Variants in TRIP4 observed in about 807,000 individuals in gnomAD.
TRIP4 encodes the protein activating signal cointegrator 1.
TRIP4 carries 54 observed loss-of-function variants against 81.8 expected under a neutral mutation model. That is an observed-to-expected ratio of 0.66 (90% CI 0.53 to 0.83). TRIP4 has a LOEUF of 0.83. TRIP4 is among the 40% of genes least tolerant of loss of function. The probability of loss-of-function intolerance (pLI) is 0.00; values close to 1 mark genes in which losing one functional copy is unlikely to be tolerated. For synonymous variants in TRIP4, 270 were observed against 242.8 expected (o/e 1.11, Z -1.04); for missense variants, 662 against 683.6 (o/e 0.97, Z 0.35).
At chr15:64,428,293 A>G (rs919912427) in intron 11 of TRIP4, among the ~76,000 whole-genome samples, 1 of 152,242 alleles carries the variant, frequency 6.6e-6, no homozygotes, top group South Asian at 2.1e-4. Flanking sequence ...ATCCTGATCT[A>G]TGGAATACTA....
intron 11 of TRIP4, among the ~76,000 whole-genome samples, chr15:64,432,333 G>C (rs928037817): frequency 1.3e-5 from 2 of 152,124 alleles, no homozygotes; most frequent in African/African-American, 2.4e-5. Context: ...AAATACTTGA[G>C]CCAGGCGCAG....
chr15:64,441,427 C>T (rs912712000), intron 11 of TRIP4, among the ~76,000 whole-genome samples: 2 of 151,974 alleles, frequency 1.3e-5, no homozygotes, highest in Admixed American at 6.6e-5. Context: ...TGAGTCGAGA[C>T]CAAGTAAAAG....
chr15:64,434,401 AG>A (rs1892343479), intron 11 of TRIP4, among the ~76,000 whole-genome samples: 3 of 70,466 alleles, frequency 4.3e-5, no homozygotes, highest in Admixed American at 1.7e-4. Context: ...CTCCGTCTCA[AG>A]AAAAAAAAAA....
At position 64,418,614 on chromosome 15, in the gene TRIP4, C is replaced by A; in HGVS notation, c.1244C>A (p.Ser415Ter). The A allele has an allele frequency of 6.2e-7, 1 of 1,613,792 alleles. No individual in the cohort carries two copies. Among genetic ancestry groups the A allele is most frequent in the Non-Finnish European group, 8.5e-7 (1 of 1,180,016 alleles). ...RSSGFGLEFNSFQHQLRIQDQ... is the reference protein window; with the variant it reads ...RSSGFGLEFN ...TCAGGATTTGGACTAGAGTTCAACT[C>A]ATTTCAGCACCAGTTGCGAATCCAG... The change falls in exon 9 of 13, where the codon TCA becomes TAA. Residue 415 changes from serine to a stop codon, truncating the protein, a stop_gained. Transcript: ENST00000261884. LOFTEE classifies it high-confidence loss of function.
chr15:64,397,506 A>G, intron 3 of TRIP4, 100 bp from the exon 4 acceptor site: 1 of 1,088,294 alleles, frequency 9.2e-7, no homozygotes, highest in Middle Eastern at 3.1e-4. Flanking sequence ...GTTCTTGGAT[A>G]GTATATAAGT....
chr15:64,438,302 C>T (rs2140309437), intron 11 of TRIP4, among the ~76,000 whole-genome samples: 1 of 152,294 alleles, frequency 6.6e-6, no homozygotes, highest in Middle Eastern at 3.4e-3. Flanking sequence ...GGTTGAAGAC[C>T]TTACCATGTA....
Position 64,395,406 on chromosome 15 carries a change from G to C in TRIP4, c.280G>C (p.Asp94His). 6.2e-7 allele frequency: 1 copy of C among 1,600,256 alleles called. No homozygotes were observed. The highest frequency in any genetic ancestry group is 8.5e-7 in the Non-Finnish European group (1 of 1,176,116). Residue 94 changes from aspartate to histidine, a missense_variant, in exon 3 of 13, where the codon GAT becomes CAT. Asp to His is a moderately conservative substitution (Grantham distance 81, BLOSUM62 -1). Transcript: ENST00000261884. Reference protein sequence around the residue: ...QQCFKKDEILDGQKSGDHLKR... With the variant: ...QQCFKKDEILHGQKSGDHLKR... ...TTTTTCTATCTTTAAAGAAATTTTAGATGGGCAGAAATCAGGCGACCATCT... is the reference window on the plus strand; with the variant it reads ...TTTTTCTATCTTTAAAGAAATTTTACATGGGCAGAAATCAGGCGACCATCT...
intron 9 of TRIP4, among the ~76,000 whole-genome samples, chr15:64,421,375 T>A (rs1421321739): frequency 2.0e-5 from 3 of 151,116 alleles, no homozygotes; most frequent in Admixed American, 6.6e-5. Flanking sequence ...CTCGCTCTGT[T>A]GCCCAGGCTG....
chr15:64,417,196 GAGA>G (rs1433368018), intron 8 of TRIP4, among the ~76,000 whole-genome samples: 2 of 152,066 alleles, frequency 1.3e-5, no homozygotes, highest in South Asian at 2.1e-4. Context: ...TTTTTTTGTA[GAGA>G]AGGAGTTTCG....
chr15:64,410,806 A>G (rs1891745310), intron 7 of TRIP4, among the ~76,000 whole-genome samples: 1 of 152,200 alleles, frequency 6.6e-6, no homozygotes, highest in Non-Finnish European at 1.5e-5. Context: ...AAGGAACAAT[A>G]TCCATACTAT....
intron 9 of TRIP4, among the ~76,000 whole-genome samples, chr15:64,423,337 C>T (rs1022329469): frequency 5.9e-5 from 9 of 151,842 alleles, no homozygotes; most frequent in East Asian, 1.9e-4. Flanking sequence ...GTGGCACGTG[C>T]GTGTAGTCCC....
chr15:64,445,696 T>C (rs1892619429), intron 12 of TRIP4, among the ~76,000 whole-genome samples: 1 of 147,216 alleles, frequency 6.8e-6, no homozygotes, highest in Non-Finnish European at 1.5e-5. Context: ...AAAAAATTTA[T>C]TGTGTTCTGT....
chr15:64,414,071 G>C lies in TRIP4; in HGVS notation c.1044-14G>C. 1 of 1,613,028 alleles carries C rather than the reference G, an allele frequency of 6.2e-7. No individual in the cohort carries two copies. Among genetic ancestry groups the C allele is most frequent in the South Asian group, 1.1e-5 (1 of 90,924 alleles). On this transcript the variant is annotated splice_polypyrimidine_tract_variant and intron_variant, in intron 7 of 12. Coordinates refer to ENST00000261884, the MANE Select transcript of TRIP4 (RefSeq NM_016213.5). ...CATTACCAATTGTTGCATCCTTTTG[G>C]TTTATTATCACAGACTAGATGAGAC...
chr15:64,453,161 C>T (rs1012774901), intron 12 of TRIP4, among the ~76,000 whole-genome samples: 4 of 152,052 alleles, frequency 2.6e-5, no homozygotes, highest in African/African-American at 7.2e-5. Flanking sequence ...CCAGCCTGGG[C>T]GACAGAGACT....
intron 12 of TRIP4, among the ~76,000 whole-genome samples, chr15:64,452,700 G>A (rs1892798942): frequency 6.6e-6 from 1 of 152,118 alleles, no homozygotes; most frequent in Non-Finnish European, 1.5e-5. Context: ...TCTTTTCACT[G>A]TATCAGATTG....
chr15:64,399,581 C>T (rs904145701), intron 4 of TRIP4, among the ~76,000 whole-genome samples: 4 of 151,822 alleles, frequency 2.6e-5, no homozygotes, highest in South Asian at 2.1e-4. Flanking sequence ...CTGCAACTTC[C>T]GCCTCCTGGG....
chr15:64,428,204 A>G (rs1261796620), intron 11 of TRIP4, among the ~76,000 whole-genome samples: 1 of 152,166 alleles, frequency 6.6e-6, no homozygotes, highest in Non-Finnish European at 1.5e-5. Flanking sequence ...CACCTGATAC[A>G]AGGTCAAATG....
chr15:64,398,667 G>A (rs74019244), intron 4 of TRIP4, among the ~76,000 whole-genome samples: 1,743 of 152,086 alleles, frequency 0.011, 39 homozygotes, highest in African/African-American at 0.04. Flanking sequence ...AGATCCAAGG[G>A]CTAGGAGCCA....
At chr15:64,413,420 G>T (rs913278113) in intron 7 of TRIP4, among the ~76,000 whole-genome samples, 1 of 151,914 alleles carries the variant, frequency 6.6e-6, no homozygotes, top group South Asian at 2.1e-4. Context: ...CAAGTGATCC[G>T]CCCTCTTTGG....
Sources: allele counts gnomAD v4.1 joint callset (sites outside exome capture counted in the v4.1 genomes callset), GRCh38; gene constraint gnomAD v4.1.1; transcripts MANE v1.5; gene names NCBI Gene and HGNC (gene_info 2026-07-23, HGNC 2026-07-21).